Variants in AUTS2 observed in about 807,000 individuals in gnomAD.
AUTS2 encodes autism susceptibility gene 2 protein.
Under a neutral mutation model 112.4 loss-of-function variants are expected in AUTS2, and 17 were observed. The ratio of observed to expected loss-of-function variants is 0.15; its 90% CI spans 0.10 to 0.23. AUTS2 has a LOEUF of 0.23. AUTS2 is among the 10% of genes least tolerant of loss of function. The probability of loss-of-function intolerance (pLI) is 1.00; values close to 1 mark genes in which losing one functional copy is unlikely to be tolerated. For missense variants in AUTS2, 1,510 were observed against 1,701.6 expected (o/e 0.89, Z 1.98); for synonymous variants, 751 against 702.7 (o/e 1.07, Z -1.09).
At chr7:69,615,451 C>T (rs554239337) in intron 1 of AUTS2, among the ~76,000 whole-genome samples, 51 of 151,964 alleles carry the variant, frequency 3.4e-4, no homozygotes, top group Middle Eastern at 3.4e-3. Flanking sequence ...TACAGGTGCC[C>T]ACCACCACAC....
chr7:70,444,854 G>T (rs1285989739), intron 5 of AUTS2, among the ~76,000 whole-genome samples: 1 of 152,162 alleles, frequency 6.6e-6, no homozygotes, highest in Non-Finnish European at 1.5e-5. Flanking sequence ...GGTGGTTGTA[G>T]TACTCAAGGA....
At chr7:70,609,956 TTTTTTG>T (rs150513319) in intron 5 of AUTS2, among the ~76,000 whole-genome samples, 32,229 of 128,388 alleles carry the variant, frequency 0.25, 3,597 homozygotes, top group African/African-American at 0.27. Flanking sequence ...GGAAGTTCTG[TTTTTTG>T]TTGTTGTTGT....
intron 4 of AUTS2, among the ~76,000 whole-genome samples, chr7:70,141,732 A>G (rs1412244438): frequency 6.6e-6 from 1 of 152,164 alleles, no homozygotes; most frequent in African/African-American, 2.4e-5. Flanking sequence ...TCCCATGTCT[A>G]ATTCTTACCC....
chr7:70,605,501 GTTTTTGTCTTTCTTTTTTTTTTCTT>G (rs1400826972), intron 5 of AUTS2, among the ~76,000 whole-genome samples: 1 of 86,124 alleles, frequency 1.2e-5, no homozygotes, highest in Admixed American at 1.0e-4. Flanking sequence ...CAGTTCATTT[GTTTTTGTCTTTCTTTTTTTTTTCTT>G]TCTTTCTTTC....
intron 5 of AUTS2, among the ~76,000 whole-genome samples, chr7:70,525,410 TTGAATGAATGAATGAA>T (rs67682986): frequency 1.3e-5 from 2 of 151,526 alleles, no homozygotes; most frequent in East Asian, 1.9e-4. Flanking sequence ...TGTATATTTG[TTGAATGAATGAATGAA>T]TGAATGAATG....
intron 3 of AUTS2, among the ~76,000 whole-genome samples, chr7:70,129,131 A>G (rs1806133778): frequency 6.6e-6 from 1 of 152,178 alleles, no homozygotes; most frequent in Admixed American, 6.5e-5. Context: ...TTGGAGGCTG[A>G]CAAGTCCCAA....
At chr7:70,511,296 C>T (rs980519836) in intron 5 of AUTS2, among the ~76,000 whole-genome samples, 13 of 151,986 alleles carry the variant, frequency 8.6e-5, no homozygotes, top group Non-Finnish European at 1.8e-4. Context: ...GATTTCCAGA[C>T]GAAATCCACC....
chr7:70,096,255 A>G (rs1274074889), intron 2 of AUTS2, among the ~76,000 whole-genome samples: 2 of 152,200 alleles, frequency 1.3e-5, no homozygotes, highest in African/African-American at 2.4e-5. Flanking sequence ...GTATTAGATC[A>G]TCACATGTAC....
At chr7:70,128,734 G>C (rs1364358749) in intron 3 of AUTS2, among the ~76,000 whole-genome samples, 1 of 152,194 alleles carries the variant, frequency 6.6e-6, no homozygotes, top group Non-Finnish European at 1.5e-5. Flanking sequence ...ACCACAAACT[G>C]TATGGCTGGA....
intron 5 of AUTS2, among the ~76,000 whole-genome samples, chr7:70,649,384 A>T (rs192018488): frequency 6.6e-6 from 1 of 152,180 alleles, no homozygotes; most frequent in South Asian, 2.1e-4. Flanking sequence ...TGGCAGAGTG[A>T]GACCCTGTCT....
intron 4 of AUTS2, among the ~76,000 whole-genome samples, chr7:70,303,644 A>T (rs1266646834): frequency 6.6e-6 from 1 of 151,890 alleles, no homozygotes; most frequent in African/African-American, 2.4e-5. Flanking sequence ...GATAGAAGAC[A>T]CTCCAGAGGG....
At chr7:69,905,543 G>A (rs1316655759) in intron 2 of AUTS2, among the ~76,000 whole-genome samples, 2 of 152,128 alleles carry the variant, frequency 1.3e-5, no homozygotes, top group Admixed American at 6.5e-5. Flanking sequence ...TCAAGGGCAG[G>A]AAATTATATC....
intron 1 of AUTS2, among the ~76,000 whole-genome samples, chr7:69,877,316 C>T (rs1793846063): frequency 6.6e-6 from 1 of 152,156 alleles, no homozygotes; most frequent in South Asian, 2.1e-4. Flanking sequence ...AGTCTTCAAA[C>T]TTTTTTGATT....
At chr7:69,629,149 C>T (rs1794105861) in intron 1 of AUTS2, among the ~76,000 whole-genome samples, 1 of 151,272 alleles carries the variant, frequency 6.6e-6, no homozygotes, top group Non-Finnish European at 1.5e-5. Context: ...TCAAGCAAGA[C>T]ACTTTTGGGC....
At chr7:70,574,112 C>T (rs982698593) in intron 5 of AUTS2, among the ~76,000 whole-genome samples, 8 of 152,098 alleles carry the variant, frequency 5.3e-5, no homozygotes, top group African/African-American at 1.7e-4. Flanking sequence ...TGTTCCCCTA[C>T]CCCCATAGCA....
intron 5 of AUTS2, among the ~76,000 whole-genome samples, chr7:70,475,748 A>G (rs1309424323): frequency 2.0e-5 from 3 of 152,172 alleles, no homozygotes; most frequent in Non-Finnish European, 4.4e-5. Flanking sequence ...TGAAAAGTCT[A>G]CTAATAGCGG....
At chr7:70,014,950 G>A (rs1353228728) in intron 2 of AUTS2, among the ~76,000 whole-genome samples, 1 of 152,216 alleles carries the variant, frequency 6.6e-6, no homozygotes. Flanking sequence ...CACAATATAT[G>A]CAGCACAAAG....
At position 70,233,188 on chromosome 7, in the gene AUTS2, C is replaced by A. The variant is rs561046330; in HGVS notation, c.660+98617C>A. On this transcript the variant is annotated intron_variant, in intron 4 of 18. Coordinates refer to ENST00000342771, the MANE Select transcript of AUTS2 (RefSeq NM_015570.4). ...GACCTTTCATATTTAGGAGCTGAAT[C>A]CCTCTTGTAGAAACTTGTGATGTTG... Among the ~76,000 whole-genome samples, 130 of 152,202 alleles carry A rather than the reference C, an allele frequency of 8.5e-4. 2 individuals are homozygous for A. The highest frequency in any genetic ancestry group is 3.1e-3 in the African/African-American group (128 of 41,520).
chr7:70,020,658 C>G (rs1332017393), intron 2 of AUTS2, among the ~76,000 whole-genome samples: 1 of 151,830 alleles, frequency 6.6e-6, no homozygotes, highest in Non-Finnish European at 1.5e-5. Flanking sequence ...GCTTTAGGAC[C>G]TTTTTTCTTC....
Sources: allele counts gnomAD v4.1 joint callset (sites outside exome capture counted in the v4.1 genomes callset), GRCh38; gene constraint gnomAD v4.1.1; transcripts MANE v1.5; gene names NCBI Gene and HGNC (gene_info 2026-07-23, HGNC 2026-07-21).